The following GABRG3 variants were observed in gnomAD, a reference collection of about 807,000 sequenced individuals.
GABRG3 encodes the protein gamma-aminobutyric acid type A receptor subunit gamma3.
GABRG3 carries 25 observed loss-of-function variants against 48.8 expected under a neutral mutation model. The observed-to-expected ratio is 0.51, with a 90% CI of 0.37 to 0.72. The LOEUF (loss-of-function observed/expected upper bound fraction) is 0.72, where lower values mean the gene tolerates loss of function less well. GABRG3 is among the 30% of genes least tolerant of loss of function. GABRG3 has a pLI of 0.00. For synonymous variants in GABRG3, 227 were observed against 217.6 expected (o/e 1.04, Z -0.38); for missense variants, 394 against 577.9 (o/e 0.68, Z 3.26).
At chr15:27,374,822 G>A (rs962865759) in intron 5 of GABRG3, among the ~76,000 whole-genome samples, 2 of 152,150 alleles carry the variant, frequency 1.3e-5, no homozygotes, top group East Asian at 1.9e-4. Context: ...TCCAGTGGGC[G>A]GAAACTGTAG....
In GABRG3 at chr15:27,535,861, G is replaced by C. The variant is rs1414338566; in HGVS notation, c.*2980G>C. The C allele has an allele frequency of 1.3e-5, 2 of 152,272 alleles. No individual in the cohort carries two copies. The highest frequency in any genetic ancestry group is 2.9e-5 in the Non-Finnish European group (2 of 68,118). The allele number at this position is 152,272 out of a possible 1,614,324, so 9.4% of individuals were successfully genotyped here. A position where few individuals can be genotyped will look rare whatever the true frequency, so the allele number is the denominator to read the frequency against. On this transcript the variant is annotated 3_prime_UTR_variant, in exon 10 of 10. Coordinates refer to ENST00000615808, the MANE Select transcript of GABRG3 (RefSeq NM_033223.5). ...TGTGGGGAGAGTGGGAAGGAAGTAC[G>C]CTTTCTTTCACTAAAGACTCTCTTT...
rs570886835 is a variant in GABRG3, at chr15:27,351,823, ATG to A, written c.574+22941_574+22942del. Among the ~76,000 whole-genome samples, 751 of 136,438 alleles carry A rather than the reference ATG, an allele frequency of 5.5e-3. 12 individuals are homozygous for A. Among genetic ancestry groups the A allele is most frequent in the African/African-American group, 0.02 (717 of 35,794 alleles). 89.5% of individuals were successfully genotyped at this position (136,438 alleles called of 152,430 possible). A position where few individuals can be genotyped will look rare whatever the true frequency, so the allele number is the denominator to read the frequency against. ...TATATGATGTGTGTGTTTATGGTGTATGTGTGTATAGTGTGTGTGTTTGTATG... is the reference window on the plus strand; with the variant it reads ...TATATGATGTGTGTGTTTATGGTGTATGTGTATAGTGTGTGTGTTTGTATG... On this transcript the variant is annotated intron_variant, in intron 5 of 9. Coordinates refer to ENST00000615808, the MANE Select transcript of GABRG3 (RefSeq NM_033223.5).
chr15:27,231,780 A>G (rs1228175462), intron 3 of GABRG3, among the ~76,000 whole-genome samples: 1 of 152,240 alleles, frequency 6.6e-6, no homozygotes, highest in African/African-American at 2.4e-5. Context: ...GACAGAGAAT[A>G]TCTAAATAGT....
rs117419424 is a variant in GABRG3, at chr15:27,356,324, A to G, written c.574+27436A>G. On this transcript the variant is annotated intron_variant, in intron 5 of 9. Coordinates refer to ENST00000615808, the MANE Select transcript of GABRG3 (RefSeq NM_033223.5). ...AAAGTTGACCTCTCACAACTCTGTG[A>G]TTCTCATTCTTTGAATCAGTGATTC... Among the ~76,000 whole-genome samples, 45 of 152,330 alleles carry G rather than the reference A, an allele frequency of 3.0e-4. No individual in the cohort carries two copies. The East Asian group carries it at 8.3e-3, about 28-fold the overall frequency.
At chr15:27,003,274 G>A (rs1295937525) in intron 2 of GABRG3, among the ~76,000 whole-genome samples, 2 of 147,790 alleles carry the variant, frequency 1.4e-5, no homozygotes, top group African/African-American at 5.0e-5. Flanking sequence ...TCGCAGAGGG[G>A]GATTTGGCAG....
intron 3 of GABRG3, among the ~76,000 whole-genome samples, chr15:27,194,556 T>C (rs1219597913): frequency 1.4e-4 from 22 of 152,210 alleles, no homozygotes; most frequent in Admixed American, 1.2e-3. Context: ...TGACAGCTCT[T>C]TACTTTCAGC....
At chr15:27,214,602 A>G (rs771124535) in intron 3 of GABRG3, among the ~76,000 whole-genome samples, 3 of 152,356 alleles carry the variant, frequency 2.0e-5, no homozygotes, top group Non-Finnish European at 2.9e-5. Flanking sequence ...AGAAGGTTAA[A>G]TGCAGGTTCC....
intron 5 of GABRG3, among the ~76,000 whole-genome samples, chr15:27,331,880 G>A (rs1893813964): frequency 6.6e-6 from 1 of 151,878 alleles, no homozygotes; most frequent in Non-Finnish European, 1.5e-5. Flanking sequence ...AAAACTTATT[G>A]GAGGTAAAGA....
At chr15:27,300,823 T>C (rs75035769) in intron 3 of GABRG3, among the ~76,000 whole-genome samples, 4,135 of 151,494 alleles carry the variant, frequency 0.027, 141 homozygotes, top group East Asian at 0.093. Context: ...TAGGATATGC[T>C]GGGCACGGTG....
At chr15:27,005,271 G>A (rs1288194884) in intron 2 of GABRG3, among the ~76,000 whole-genome samples, 1 of 151,864 alleles carries the variant, frequency 6.6e-6, no homozygotes, top group African/African-American at 2.4e-5. Context: ...TGCAATCTCG[G>A]CTCACTGCAA....
intron 6 of GABRG3, among the ~76,000 whole-genome samples, chr15:27,485,328 A>G (rs1402895388): frequency 1.3e-5 from 2 of 152,218 alleles, no homozygotes; most frequent in Non-Finnish European, 2.9e-5. Context: ...AATGGACTCT[A>G]TACTCCAGAC....
Position 27,533,164 on chromosome 15 carries a change from T to G in GABRG3, c.*283T>G, listed in dbSNP as rs773252975. 1.1e-5 allele frequency: 4 copies of G among 350,778 alleles called. No homozygotes were observed. Among genetic ancestry groups the G allele is most frequent in the Non-Finnish European group, 2.1e-5 (4 of 191,484 alleles). 21.7% of individuals were successfully genotyped at this position (350,778 alleles called of 1,614,324 possible). A position where few individuals can be genotyped will look rare whatever the true frequency, so the allele number is the denominator to read the frequency against. ...GTGTTGTTTCTGAATGGTTTTTGGATATTGGAAGCAGCCGCTGATTACCCT... is the reference window on the plus strand; with the variant it reads ...GTGTTGTTTCTGAATGGTTTTTGGAGATTGGAAGCAGCCGCTGATTACCCT... On this transcript the variant is annotated 3_prime_UTR_variant, in exon 10 of 10. Coordinates refer to ENST00000615808, the MANE Select transcript of GABRG3 (RefSeq NM_033223.5).
intron 7 of GABRG3, among the ~76,000 whole-genome samples, chr15:27,521,564 T>G (rs527505367): frequency 1.3e-5 from 2 of 152,238 alleles, no homozygotes; most frequent in South Asian, 4.1e-4. Context: ...AGAAGTCTAT[T>G]GCTGACTCAG....
At chr15:27,490,612 T>C (rs1208999578) in intron 6 of GABRG3, among the ~76,000 whole-genome samples, 1 of 152,200 alleles carries the variant, frequency 6.6e-6, no homozygotes, top group Admixed American at 6.5e-5. Context: ...CGTTTCCTCT[T>C]TGTCCAATGA....
At chr15:27,092,909 T>C (rs1897213872) in intron 3 of GABRG3, among the ~76,000 whole-genome samples, 3 of 151,956 alleles carry the variant, frequency 2.0e-5, no homozygotes, top group Admixed American at 6.6e-5. Flanking sequence ...TCCTTGAGTT[T>C]TCACTAGACT....
At chr15:27,105,268 G>A (rs992035643) in intron 3 of GABRG3, among the ~76,000 whole-genome samples, 2 of 152,068 alleles carry the variant, frequency 1.3e-5, no homozygotes, top group African/African-American at 2.4e-5. Flanking sequence ...AAGCAACAGA[G>A]CCTCAAAATA....
At position 27,169,174 on chromosome 15, in the gene GABRG3, C is replaced by T. The variant is rs574700925; in HGVS notation, c.270+142353C>T. Among the ~76,000 whole-genome samples, 15 of 152,260 alleles carry T rather than the reference C, an allele frequency of 9.9e-5. No homozygotes were observed. In the South Asian group the frequency reaches 2.1e-3, roughly 21 times the overall value. On this transcript the variant is annotated intron_variant, in intron 3 of 9. Transcript: ENST00000615808. The stretch of plus-strand genomic sequence containing the variant: ...AGAAAACATACTTGTAGATATTGGT[C>T]AGTGCTACAGACAGATGTCATGAAA...
intron 3 of GABRG3, among the ~76,000 whole-genome samples, chr15:27,085,727 A>G (rs929743227): frequency 4.6e-5 from 7 of 152,208 alleles, no homozygotes; most frequent in Admixed American, 3.9e-4. Flanking sequence ...ACAGGCCTGC[A>G]TTGGAGGGAG....
intron 5 of GABRG3, among the ~76,000 whole-genome samples, chr15:27,476,754 G>A (rs181697350): frequency 6.6e-6 from 1 of 152,120 alleles, no homozygotes; most frequent in Non-Finnish European, 1.5e-5. Context: ...AGAGAAGCAG[G>A]GGCAAAATTA....
Sources: gnomAD v4.1 joint callset for allele counts (sites outside exome capture counted in the v4.1 genomes callset) on GRCh38, gnomAD v4.1.1 for gene constraint, MANE v1.5 for transcripts, NCBI Gene and HGNC (gene_info 2026-07-23, HGNC 2026-07-21) for gene names.